The following MSH3 variants were observed in gnomAD, a reference collection of about 807,000 sequenced individuals.
MSH3 encodes the protein DNA mismatch repair protein Msh3.
Under a neutral mutation model 123.3 loss-of-function variants are expected in MSH3, and 106 were observed. The observed-to-expected ratio is 0.86, with a 90% CI of 0.73 to 1.01. The LOEUF is 1.01. MSH3 is among the 50% of genes least tolerant of loss of function. The probability of loss-of-function intolerance (pLI) is 0.00; values close to 1 mark genes in which losing one functional copy is unlikely to be tolerated. For synonymous variants in MSH3, 515 were observed against 481.4 expected (o/e 1.07, Z -0.91); for missense variants, 1,459 against 1,347.6 (o/e 1.08, Z -1.29).
At chr5:80,875,610 G>A in intron 23 of MSH3, 141 bp from the exon 24 acceptor site, 1 of 612,774 alleles carries the variant, frequency 1.6e-6, no homozygotes, top group East Asian at 2.8e-5. Context: ...CCTTTCACTG[G>A]AAGGGTGACA....
At chr5:80,848,095 C>T (rs113609565) in intron 20 of MSH3, among the ~76,000 whole-genome samples, 22 of 152,228 alleles carry the variant, frequency 1.4e-4, no homozygotes, top group Non-Finnish European at 2.6e-4. Context: ...AAAAATTAGC[C>T]AGGCATGCCT....
intron 22 of MSH3, among the ~76,000 whole-genome samples, chr5:80,867,505 TG>T (rs1746126889): frequency 6.6e-6 from 1 of 152,190 alleles, no homozygotes; most frequent in Non-Finnish European, 1.5e-5. Flanking sequence ...GTGACTTTGA[TG>T]GGCCTAGATG....
chr5:80,699,166 A>G (rs1750551063), intron 8 of MSH3, among the ~76,000 whole-genome samples: 2 of 152,202 alleles, frequency 1.3e-5, no homozygotes, highest in Non-Finnish European at 2.9e-5. Context: ...TGCTTGGTAA[A>G]TGAATGATTA....
At chr5:80,805,967 A>T (rs1744883481) in intron 19 of MSH3, among the ~76,000 whole-genome samples, 1 of 152,132 alleles carries the variant, frequency 6.6e-6, no homozygotes, top group Non-Finnish European at 1.5e-5. Context: ...TTATGGGTGA[A>T]TGCTTTTGTG....
intron 20 of MSH3, among the ~76,000 whole-genome samples, chr5:80,819,778 C>T (rs889880430): frequency 2.0e-5 from 3 of 152,056 alleles, no homozygotes; most frequent in Non-Finnish European, 2.9e-5. Flanking sequence ...TGAGCCACTG[C>T]GCCCGGCCAA....
chr5:80,687,350 A>G (rs6151669), intron 8 of MSH3, among the ~76,000 whole-genome samples: 1,533 of 152,316 alleles, frequency 0.01, 26 homozygotes, highest in African/African-American at 0.035. Flanking sequence ...GTTTATAGAA[A>G]TGGTTGAGAG....
intron 22 of MSH3, among the ~76,000 whole-genome samples, chr5:80,867,565 T>C (rs919789124): frequency 6.6e-6 from 1 of 152,096 alleles, no homozygotes; most frequent in South Asian, 2.1e-4. Context: ...GTCCCCTGAG[T>C]TAAATGATTA....
intron 12 of MSH3, among the ~76,000 whole-genome samples, chr5:80,747,549 A>G (rs572102148): frequency 6.6e-6 from 1 of 152,346 alleles, no homozygotes; most frequent in African/African-American, 2.4e-5. Flanking sequence ...ATCTATTAAA[A>G]TCTATTTCAA....
At chr5:80,836,513 G>A (rs1396756745) in intron 20 of MSH3, among the ~76,000 whole-genome samples, 1 of 134,810 alleles carries the variant, frequency 7.4e-6, no homozygotes, top group Non-Finnish European at 1.5e-5. Context: ...AGGAATAAAG[G>A]TGTGTCACAT....
chr5:80,786,333 C>T (rs757011327), intron 17 of MSH3, among the ~76,000 whole-genome samples: 3 of 152,126 alleles, frequency 2.0e-5, no homozygotes, highest in Non-Finnish European at 2.9e-5. Flanking sequence ...TGCTTTTTCT[C>T]TCTGAACTTC....
At chr5:80,756,556 C>T (rs1174902858) in intron 12 of MSH3, among the ~76,000 whole-genome samples, 4 of 152,172 alleles carry the variant, frequency 2.6e-5, no homozygotes, top group South Asian at 4.1e-4. Context: ...TAGCTACCCC[C>T]AGGAAATCCT....
rs1328690737 is a variant in MSH3, at chr5:80,692,009, GTA to G, written c.1340+12920_1340+12921del. Among the ~76,000 whole-genome samples, 6 of 86,318 alleles carry G rather than the reference GTA, an allele frequency of 7.0e-5. 1 individual carries two copies. Among genetic ancestry groups the G allele is most frequent in the East Asian group, 4.7e-4 (2 of 4,236 alleles). The allele number at this position is 86,318 out of a possible 152,430, so 56.6% of individuals were successfully genotyped here. The stretch of plus-strand genomic sequence containing the variant: ...TGTATATGTTTAGATAGATAAACAT[GTA>G]TATGTTTAGATAGATAAACAGTATG... On this transcript the variant is annotated intron_variant, in intron 8 of 23. Transcript: ENST00000265081.
chr5:80,749,086 G>A (rs970535217), intron 12 of MSH3, among the ~76,000 whole-genome samples: 1 of 151,986 alleles, frequency 6.6e-6, no homozygotes, highest in African/African-American at 2.4e-5. Context: ...GTATATATTT[G>A]TATTAGGGTT....
chr5:80,685,203 T>C (rs1387926387), intron 8 of MSH3, among the ~76,000 whole-genome samples: 1 of 12,318 alleles, frequency 8.1e-5, no homozygotes, highest in African/African-American at 6.2e-4. Flanking sequence ...GTATTCTCCT[T>C]TTTTTTTTTT....
chr5:80,718,083 C>T (rs1750999910), intron 8 of MSH3, among the ~76,000 whole-genome samples: 1 of 152,144 alleles, frequency 6.6e-6, no homozygotes, highest in South Asian at 2.1e-4. Context: ...GCTGAAACCA[C>T]CATCTAGTCC....
intron 19 of MSH3, among the ~76,000 whole-genome samples, chr5:80,798,586 C>T (rs1744738464): frequency 6.6e-6 from 1 of 152,198 alleles, no homozygotes; most frequent in Non-Finnish European, 1.5e-5. Context: ...ATTATATTCT[C>T]ACAGATTCTG....
At chr5:80,713,271 T>G (rs913454360) in intron 8 of MSH3, among the ~76,000 whole-genome samples, 6 of 152,210 alleles carry the variant, frequency 3.9e-5, no homozygotes, top group Non-Finnish European at 5.9e-5. Context: ...GTTCTGAAGT[T>G]CCCTTGTTTT....
chr5:80,714,650 A>G (rs1750922039), intron 8 of MSH3, among the ~76,000 whole-genome samples: 2 of 152,210 alleles, frequency 1.3e-5, no homozygotes, highest in South Asian at 2.1e-4. Context: ...TGACAAGTCC[A>G]TTTTTATCAA....
chr5:80,713,993 C>G (rs1255474944), intron 8 of MSH3, among the ~76,000 whole-genome samples: 1 of 151,832 alleles, frequency 6.6e-6, no homozygotes, highest in African/African-American at 2.4e-5. Flanking sequence ...GGTTTATTAC[C>G]CTTTAATTTT....
Sources: allele counts gnomAD v4.1 joint callset (sites outside exome capture counted in the v4.1 genomes callset), GRCh38; gene constraint gnomAD v4.1.1; transcripts MANE v1.5; gene names NCBI Gene and HGNC (gene_info 2026-07-23, HGNC 2026-07-21).